IL1RAPL2: variants seen among roughly 807,000 people sequenced by gnomAD.
The protein encoded by IL1RAPL2 is interleukin 1 receptor accessory protein like 2.
Under a neutral mutation model 44.1 loss-of-function variants are expected in IL1RAPL2, and 3 were observed. The ratio of observed to expected loss-of-function variants is 0.07; its 90% CI spans 0.03 to 0.18. The LOEUF is 0.18. Ranked by LOEUF, IL1RAPL2 falls within the 10% of genes least tolerant of loss-of-function variation. The pLI, the probability that IL1RAPL2 is intolerant of heterozygous loss-of-function variation, is 1.00. For missense variants in IL1RAPL2, 391 were observed against 496.4 expected (o/e 0.79, Z 2.02); for synonymous variants, 181 against 178.8 (o/e 1.01, Z -0.10).
At chrX:104,768,806 C>T (rs1474950057) in intron 2 of IL1RAPL2, among the ~76,000 whole-genome samples, 2 of 111,298 alleles carry the variant, frequency 1.8e-5, no homozygotes, top group African/African-American at 6.5e-5. Context: ...TAGTAATGTA[C>T]CTTTGCTTCT....
At chrX:105,264,406 C>A (rs1198445633) in intron 4 of IL1RAPL2, among the ~76,000 whole-genome samples, 2 of 111,089 alleles carry the variant, frequency 1.8e-5, no homozygotes, top group Non-Finnish European at 3.8e-5. Context: ...ATACATATGG[C>A]AATACTGTCT....
At chrX:105,440,945 T>C (rs980968878) in intron 5 of IL1RAPL2, among the ~76,000 whole-genome samples, 1 of 111,891 alleles carries the variant, frequency 8.9e-6, no homozygotes, top group Admixed American at 9.5e-5. Context: ...GTAAGATGTG[T>C]CTGGCTTCCC....
chrX:105,672,305 G>A (rs777630673), intron 6 of IL1RAPL2, among the ~76,000 whole-genome samples: 41 of 111,933 alleles, frequency 3.7e-4, no homozygotes, highest in Non-Finnish European at 6.8e-4. Context: ...CTCCATCAGG[G>A]AAAATAGGGA....
intron 1 of IL1RAPL2, among the ~76,000 whole-genome samples, chrX:104,597,062 A>G (rs983781875): frequency 1.8e-5 from 2 of 111,431 alleles, no homozygotes; most frequent in African/African-American, 3.3e-5. Context: ...TAGGCCAGGC[A>G]TGGTGTCTCA....
rs1469915877 is a variant in IL1RAPL2 at position 105,353,124 on chromosome X, G to A, written c.697+85583G>A. Among the ~76,000 whole-genome samples, 3 of 111,346 alleles carry A rather than the reference G, an allele frequency of 2.7e-5. No homozygotes were observed. In the Admixed American group the frequency reaches 2.9e-4, roughly 11 times the overall value. The stretch of plus-strand genomic sequence containing the variant: ...AATTTTTGTATAAGGTGTAAGGAAG[G>A]GATCCAGTTTCAGCTTTCTACATGT... On this transcript the variant is annotated intron_variant, in intron 5 of 10. Transcript: ENST00000372582.
At chrX:105,417,657 C>T (rs1412857476) in intron 5 of IL1RAPL2, among the ~76,000 whole-genome samples, 1 of 110,965 alleles carries the variant, frequency 9.0e-6, no homozygotes, top group Non-Finnish European at 1.9e-5. Flanking sequence ...GCTCAAGTTC[C>T]TGTCTTGTAG....
chrX:104,991,271 A>C (rs757863606), intron 2 of IL1RAPL2, among the ~76,000 whole-genome samples: 43 of 111,799 alleles, frequency 3.8e-4, no homozygotes, highest in African/African-American at 1.3e-3. Flanking sequence ...GCAAAGGAAG[A>C]TTTTATACTG....
chrX:104,588,355 C>T (rs1928603456), intron 1 of IL1RAPL2, among the ~76,000 whole-genome samples: 1 of 111,265 alleles, frequency 9.0e-6, no homozygotes, highest in Admixed American at 9.7e-5. Flanking sequence ...AGGTATTTAT[C>T]CCCCACTTGC....
chrX:105,581,410 T>A (rs1234412728), intron 6 of IL1RAPL2, among the ~76,000 whole-genome samples: 1 of 111,854 alleles, frequency 8.9e-6, no homozygotes, highest in Non-Finnish European at 1.9e-5. Context: ...TATGTAATTA[T>A]AAATACAGAT....
chrX:105,165,207 A>C (rs1018656235), intron 2 of IL1RAPL2, among the ~76,000 whole-genome samples: 14 of 111,567 alleles, frequency 1.3e-4, no homozygotes, highest in African/African-American at 4.6e-4. Context: ...TGTACTCCCC[A>C]CTGACCATTC....
At chrX:104,761,982 T>G (rs189946537) in intron 2 of IL1RAPL2, among the ~76,000 whole-genome samples, 1 of 85,456 alleles carries the variant, frequency 1.2e-5, no homozygotes, top group African/African-American at 4.1e-5. Flanking sequence ...CTTCTTCTTC[T>G]TCCTCCTCCT....
intron 2 of IL1RAPL2, among the ~76,000 whole-genome samples, chrX:104,949,317 T>C (rs994121674): frequency 9.0e-6 from 1 of 111,680 alleles, no homozygotes; most frequent in African/African-American, 3.3e-5. Context: ...CTCTTTTTCT[T>C]TATTAGTCTT....
chrX:105,578,518 C>T (rs933146885), intron 6 of IL1RAPL2, among the ~76,000 whole-genome samples: 13 of 111,057 alleles, frequency 1.2e-4, no homozygotes, highest in Non-Finnish European at 2.3e-4. Context: ...AAATTTACCT[C>T]CTAAAACTCT....
chrX:105,005,791 CAG>C (rs1467677160), intron 2 of IL1RAPL2, among the ~76,000 whole-genome samples: 6 of 110,790 alleles, frequency 5.4e-5, no homozygotes, highest in East Asian at 2.9e-4. Context: ...ACTTAAATAA[CAG>C]GGGAGAATTT....
At chrX:105,277,998 C>A (rs966835197) in intron 5 of IL1RAPL2, among the ~76,000 whole-genome samples, 2 of 111,482 alleles carry the variant, frequency 1.8e-5, no homozygotes, top group Non-Finnish European at 1.9e-5. Flanking sequence ...TGATGACAAC[C>A]ATGGAGAGAT....
intron 2 of IL1RAPL2, among the ~76,000 whole-genome samples, chrX:104,818,161 G>A (rs761405541): frequency 3.6e-4 from 39 of 108,619 alleles, no homozygotes; most frequent in African/African-American, 1.3e-3. Flanking sequence ...TCGAGACCAC[G>A]GTGAAACCCC....
At chrX:104,703,356 CA>C (rs1348235352) in intron 2 of IL1RAPL2, among the ~76,000 whole-genome samples, 1 of 111,978 alleles carries the variant, frequency 8.9e-6, no homozygotes, top group East Asian at 2.8e-4. Context: ...ATGACCAGTA[CA>C]ACCTTATGCT....
chrX:105,008,427 AT>A (rs749776445), intron 2 of IL1RAPL2, among the ~76,000 whole-genome samples: 8 of 110,012 alleles, frequency 7.3e-5, no homozygotes, highest in Non-Finnish European at 1.3e-4. Context: ...CAAAAAGAGA[AT>A]TTTTTTTTCA....
At chrX:105,722,309 A>G (rs1798921392) in intron 7 of IL1RAPL2, among the ~76,000 whole-genome samples, 1 of 111,957 alleles carries the variant, frequency 8.9e-6, no homozygotes, top group Non-Finnish European at 1.9e-5. Flanking sequence ...CTAAAATGTC[A>G]TCATTCCACT....
Sources: gnomAD v4.1 joint callset for allele counts (sites outside exome capture counted in the v4.1 genomes callset) on GRCh38, gnomAD v4.1.1 for gene constraint, MANE v1.5 for transcripts, NCBI Gene and HGNC (gene_info 2026-07-23, HGNC 2026-07-21) for gene names.